Variants in CNTNAP2 observed in about 807,000 individuals in gnomAD.
CNTNAP2 encodes the protein contactin-associated protein-like 2.
Under a neutral mutation model 155.2 loss-of-function variants are expected in CNTNAP2, and 98 were observed. The observed-to-expected ratio is 0.63, with a 90% CI of 0.54 to 0.75. The LOEUF is 0.75. Among genes scored for constraint, CNTNAP2 ranks in the 30% least tolerant of loss-of-function variants. The pLI is 0.00. For missense variants in CNTNAP2, 1,727 were observed against 1,688.1 expected, an observed-to-expected ratio of 1.02 and a Z score of -0.40; for synonymous variants, 651 against 631.2, an observed-to-expected ratio of 1.03 and a Z score of -0.47.
At position 147,930,124 on chromosome 7, in the gene CNTNAP2, A is replaced by G. The variant is rs190986925; in HGVS notation, c.2255+26403A>G. On this transcript the variant is annotated intron_variant, in intron 14 of 23. Coordinates refer to ENST00000361727, the MANE Select transcript of CNTNAP2 (RefSeq NM_014141.6). Reference sequence around the variant, plus strand: ...CCCCTGTATAGAGCACATACAAAAGAAAAACAGAAAGAAAAAAAAACAGGA... The same window carrying G: ...CCCCTGTATAGAGCACATACAAAAGGAAAACAGAAAGAAAAAAAAACAGGA... Among the ~76,000 whole-genome samples, 21 of 152,278 alleles carry G rather than the reference A, an allele frequency of 1.4e-4. No homozygotes were observed. The East Asian group carries it at 4.0e-3, about 29-fold the overall frequency.
chr7:147,270,501 C>T (rs552435402), intron 8 of CNTNAP2, among the ~76,000 whole-genome samples: 72 of 152,296 alleles, frequency 4.7e-4, no homozygotes, highest in Non-Finnish European at 7.8e-4. Flanking sequence ...ACACATGTGG[C>T]TTACCTCTGT....
rs369519452 is a variant in CNTNAP2 at position 146,494,146 on chromosome 7, A to G, written c.98-280125A>G. Among the ~76,000 whole-genome samples the G allele has an allele frequency of 3.5e-4, 54 of 152,244 alleles. No individual in the cohort carries two copies. The East Asian group carries it at 6.0e-3, about 17-fold the overall frequency. On this transcript the variant is annotated intron_variant, in intron 1 of 23. Coordinates refer to ENST00000361727, the MANE Select transcript of CNTNAP2 (RefSeq NM_014141.6). ...TCAGGAGATCGAGACCATCCTGGCT[A>G]ACACGGTGAAACGCTGTCTGTACTA...
intron 1 of CNTNAP2, among the ~76,000 whole-genome samples, chr7:146,771,098 T>G (rs1414976663): frequency 6.6e-6 from 1 of 152,176 alleles, no homozygotes; most frequent in African/African-American, 2.4e-5. Flanking sequence ...AAATAGCAAT[T>G]CTCTTCCTCT....
At chr7:147,622,594 A>G (rs73468991) in intron 12 of CNTNAP2, among the ~76,000 whole-genome samples, 5,507 of 152,120 alleles carry the variant, frequency 0.036, 328 homozygotes, top group African/African-American at 0.12. Context: ...ATGATGATGG[A>G]AACACAACAT....
chr7:147,034,116 G>A (rs1249509244), intron 3 of CNTNAP2, among the ~76,000 whole-genome samples: 1 of 152,108 alleles, frequency 6.6e-6, no homozygotes, highest in Non-Finnish European at 1.5e-5. Flanking sequence ...TGGAACCAAG[G>A]ATTCCTCTCT....
intron 15 of CNTNAP2, among the ~76,000 whole-genome samples, chr7:147,984,795 G>A (rs10224171): frequency 0.1 from 15,738 of 152,082 alleles, 1,074 homozygotes; most frequent in African/African-American, 0.2. Flanking sequence ...CAGGGGAGGA[G>A]AGGAACTTCA....
intron 13 of CNTNAP2, among the ~76,000 whole-genome samples, chr7:147,676,517 A>C (rs948745306): frequency 6.6e-6 from 1 of 151,948 alleles, no homozygotes; most frequent in Admixed American, 6.6e-5. Context: ...ATTTTTGTGG[A>C]TATTTTGCAT....
chr7:146,792,082 G>A (rs1445165892), intron 2 of CNTNAP2, among the ~76,000 whole-genome samples: 1 of 152,150 alleles, frequency 6.6e-6, no homozygotes, highest in Non-Finnish European at 1.5e-5. Flanking sequence ...TGCCGAATGA[G>A]AATTCTACAT....
intron 8 of CNTNAP2, among the ~76,000 whole-genome samples, chr7:147,150,170 C>CATG (rs1801796800): frequency 6.6e-6 from 1 of 152,078 alleles, no homozygotes; most frequent in Non-Finnish European, 1.5e-5. Context: ...ATGTTATCAG[C>CATG]ATGAGGATGG....
chr7:147,716,215 A>C (rs1395827556), intron 13 of CNTNAP2, among the ~76,000 whole-genome samples: 1 of 152,150 alleles, frequency 6.6e-6, no homozygotes, highest in Non-Finnish European at 1.5e-5. Context: ...TTTCTGGGGT[A>C]ATACCCAAGG....
intron 13 of CNTNAP2, among the ~76,000 whole-genome samples, chr7:147,753,312 A>T (rs1797168047): frequency 1.3e-5 from 2 of 152,178 alleles, no homozygotes; most frequent in African/African-American, 4.8e-5. Flanking sequence ...CACAGCGCCT[A>T]ATTCCCATGC....
At chr7:146,183,324 G>A (rs982968431) in intron 1 of CNTNAP2, among the ~76,000 whole-genome samples, 3 of 152,048 alleles carry the variant, frequency 2.0e-5, no homozygotes, top group Non-Finnish European at 2.9e-5. Flanking sequence ...TTCATTAGCT[G>A]CAGTTAACCC....
chr7:147,184,777 C>T (rs1471950942), intron 8 of CNTNAP2, among the ~76,000 whole-genome samples: 1 of 152,126 alleles, frequency 6.6e-6, no homozygotes, highest in Non-Finnish European at 1.5e-5. Context: ...TCGCAATGTA[C>T]TTAAATGTCC....
At chr7:147,837,092 G>A (rs1053717583) in intron 13 of CNTNAP2, among the ~76,000 whole-genome samples, 11 of 152,128 alleles carry the variant, frequency 7.2e-5, no homozygotes, top group African/African-American at 2.7e-4. Context: ...TAATCAATAA[G>A]CATGTTGGGT....
chr7:146,813,833 T>C (rs927014892), intron 2 of CNTNAP2, among the ~76,000 whole-genome samples: 2 of 152,064 alleles, frequency 1.3e-5, no homozygotes, highest in Non-Finnish European at 2.9e-5. Context: ...TGGGAAGTAA[T>C]TGAATCATGG....
intron 9 of CNTNAP2, among the ~76,000 whole-genome samples, chr7:147,324,521 T>C (rs2116827371): frequency 6.7e-6 from 1 of 148,500 alleles, no homozygotes; most frequent in East Asian, 2.7e-4. Flanking sequence ...GTGTGTTCTT[T>C]CCCTAGATAT....
At chr7:147,290,673 A>C (rs1227198170) in intron 8 of CNTNAP2, among the ~76,000 whole-genome samples, 3 of 126,638 alleles carry the variant, frequency 2.4e-5, no homozygotes, top group African/African-American at 3.1e-5. Context: ...ACAGAGTGAG[A>C]CTCCATCTCC....
intron 21 of CNTNAP2, among the ~76,000 whole-genome samples, chr7:148,307,983 A>G (rs1025048789): frequency 6.6e-6 from 1 of 152,168 alleles, no homozygotes; most frequent in Non-Finnish European, 1.5e-5. Flanking sequence ...AAAAAAAAGA[A>G]TATACTAAAC....
At chr7:146,682,858 CT>C (rs1229755467) in intron 1 of CNTNAP2, among the ~76,000 whole-genome samples, 2 of 152,098 alleles carry the variant, frequency 1.3e-5, no homozygotes, top group Non-Finnish European at 1.5e-5. Context: ...ATAATCTGAG[CT>C]AGATGTGTTC....
Sources: allele counts gnomAD v4.1 joint callset (sites outside exome capture counted in the v4.1 genomes callset), GRCh38; gene constraint gnomAD v4.1.1; transcripts MANE v1.5; gene names NCBI Gene and HGNC (gene_info 2026-07-23, HGNC 2026-07-21).